Variants in PLCB1 observed in about 807,000 individuals in gnomAD.
PLCB1 encodes phospholipase C beta 1.
PLCB1 carries 46 observed loss-of-function variants against 161.8 expected under a neutral mutation model. That is an observed-to-expected ratio of 0.28 (90% CI 0.22 to 0.36). The LOEUF is 0.36. Ranked by LOEUF, PLCB1 falls within the 10% of genes least tolerant of loss-of-function variation. The pLI is 1.00. For synonymous variants in PLCB1, 517 were observed against 503.7 expected (o/e 1.03, Z -0.35); for missense variants, 1,016 against 1,472.5 (o/e 0.69, Z 5.07).
intron 2 of PLCB1, among the ~76,000 whole-genome samples, chr20:8,215,379 G>T (rs1489135751): frequency 2.0e-5 from 3 of 152,036 alleles, no homozygotes; most frequent in Non-Finnish European, 2.9e-5. Flanking sequence ...GATGCTTGGG[G>T]AGCATCTTTG....
At chr20:8,221,422 T>C (rs962488783) in intron 2 of PLCB1, among the ~76,000 whole-genome samples, 3 of 152,184 alleles carry the variant, frequency 2.0e-5, no homozygotes, top group Non-Finnish European at 4.4e-5. Context: ...GGGCACTGTT[T>C]AATAAAACCA....
intron 31 of PLCB1, among the ~76,000 whole-genome samples, chr20:8,881,173 G>C (rs988039095): frequency 6.6e-6 from 1 of 151,784 alleles, no homozygotes; most frequent in African/African-American, 2.4e-5. Flanking sequence ...GCTCATTTTT[G>C]TATTTTAGTA....
intron 3 of PLCB1, among the ~76,000 whole-genome samples, chr20:8,593,139 T>C (rs1987202214): frequency 6.6e-6 from 1 of 152,048 alleles, no homozygotes; most frequent in African/African-American, 2.4e-5. Flanking sequence ...GCCCCAACTC[T>C]CTCACTCACA....
intron 3 of PLCB1, among the ~76,000 whole-genome samples, chr20:8,449,936 A>G (rs1980998605): frequency 6.6e-6 from 1 of 152,242 alleles, no homozygotes; most frequent in Admixed American, 6.5e-5. Context: ...GTTGATGGTC[A>G]TAAAACCTAG....
At chr20:8,764,703 A>G (rs939303111) in intron 25 of PLCB1, among the ~76,000 whole-genome samples, 1 of 152,106 alleles carries the variant, frequency 6.6e-6, no homozygotes, top group African/African-American at 2.4e-5. Flanking sequence ...AGATGAGACC[A>G]GCTCAGTGGT....
chr20:8,175,302 C>T (rs1273655703), intron 2 of PLCB1, among the ~76,000 whole-genome samples: 1 of 151,750 alleles, frequency 6.6e-6, no homozygotes, highest in African/African-American at 2.4e-5. Flanking sequence ...TGAATAAATA[C>T]CTTAAAGGTA....
At chr20:8,797,909 A>G (rs1181029451) in intron 31 of PLCB1, among the ~76,000 whole-genome samples, 1 of 152,172 alleles carries the variant, frequency 6.6e-6, no homozygotes, top group Non-Finnish European at 1.5e-5. Context: ...AGATAGTTTT[A>G]ATGGCCAGGC....
intron 3 of PLCB1, among the ~76,000 whole-genome samples, chr20:8,467,042 C>T (rs896259912): frequency 9.9e-5 from 15 of 152,258 alleles, no homozygotes; most frequent in Admixed American, 8.5e-4. Flanking sequence ...TTGATTCAAG[C>T]GATTCTCATG....
chr20:8,528,832 C>T (rs1009485362), intron 3 of PLCB1, among the ~76,000 whole-genome samples: 4 of 151,276 alleles, frequency 2.6e-5, no homozygotes, highest in Admixed American at 6.6e-5. Context: ...AAACAAGGGG[C>T]GAAAAGTGCT....
chr20:8,718,090 C>T lies in PLCB1; in HGVS notation c.1513+242C>T, dbSNP rs144615771. On this transcript the variant is annotated intron_variant, in intron 14 of 31. Transcript: ENST00000338037. ...CAAAAATTATCTGGGCATAGTGGCA[C>T]GTACCTGTAGTCCCAGCTACTCGGG... 8.7e-3 allele frequency among the ~76,000 whole-genome samples: 1,330 copies of T among 152,084 alleles called. 23 individuals carry two copies. The highest frequency in any genetic ancestry group is 0.03 in the African/African-American group (1,254 of 41,486).
chr20:8,412,040 AAAG>A (rs1215768059), intron 3 of PLCB1, among the ~76,000 whole-genome samples: 1 of 152,170 alleles, frequency 6.6e-6, no homozygotes, highest in Non-Finnish European at 1.5e-5. Context: ...AAAGAAAAAA[AAAG>A]AAGACAATTT....
At chr20:8,356,591 G>A (rs1234184997) in intron 2 of PLCB1, among the ~76,000 whole-genome samples, 1 of 152,122 alleles carries the variant, frequency 6.6e-6, no homozygotes, top group Non-Finnish European at 1.5e-5. Flanking sequence ...AATGCCGAAA[G>A]ACATACAGTG....
At chr20:8,714,100 ACTTAC>A (rs1979168854) in intron 12 of PLCB1, among the ~76,000 whole-genome samples, 2 of 152,170 alleles carry the variant, frequency 1.3e-5, no homozygotes, top group Non-Finnish European at 2.9e-5. Flanking sequence ...GCACATGCTG[ACTTAC>A]CTTAATCAAT....
chr20:8,377,644 T>A (rs1328826878), intron 3 of PLCB1, among the ~76,000 whole-genome samples: 1 of 151,968 alleles, frequency 6.6e-6, no homozygotes, highest in Non-Finnish European at 1.5e-5. Context: ...AGACACAGGG[T>A]TTGATAATGT....
intron 3 of PLCB1, among the ~76,000 whole-genome samples, chr20:8,627,029 G>C (rs931816407): frequency 3.3e-5 from 5 of 152,208 alleles, no homozygotes; most frequent in African/African-American, 1.2e-4. Flanking sequence ...TGATGTTTTA[G>C]TGATAGCATT....
At chr20:8,504,112 C>A (rs1280499662) in intron 3 of PLCB1, among the ~76,000 whole-genome samples, 2 of 152,162 alleles carry the variant, frequency 1.3e-5, no homozygotes, top group African/African-American at 4.8e-5. Flanking sequence ...CTGAGCTTGA[C>A]AGAAAAACAA....
chr20:8,134,023 G>A (rs1483512760), intron 1 of PLCB1, among the ~76,000 whole-genome samples: 1 of 152,242 alleles, frequency 6.6e-6, no homozygotes, highest in Admixed American at 6.5e-5. Flanking sequence ...GGAACTTGGA[G>A]TATGAACCAC....
At position 8,404,783 on chromosome 20, in the gene PLCB1, A is replaced by G. The variant is rs539785082; in HGVS notation, c.246+33333A>G. Among the ~76,000 whole-genome samples the G allele has an allele frequency of 2.0e-4, 31 of 152,308 alleles. 1 individual carries two copies. In the South Asian group the frequency reaches 4.3e-3, roughly 21 times the overall value. ...CTTTGCAAGATATAATCAGTATTGA[A>G]TCCATAAAACAGAATATTTTGGAAG... On this transcript the variant is annotated intron_variant, in intron 3 of 31. Coordinates refer to ENST00000338037, the MANE Select transcript of PLCB1 (RefSeq NM_015192.4).
At chr20:8,761,676 A>C (rs1207591258) in intron 25 of PLCB1, among the ~76,000 whole-genome samples, 1 of 151,876 alleles carries the variant, frequency 6.6e-6, no homozygotes, top group Non-Finnish European at 1.5e-5. Flanking sequence ...GTGCCACCAC[A>C]CCCGGCTAAT....
Sources: allele counts gnomAD v4.1 joint callset (sites outside exome capture counted in the v4.1 genomes callset), GRCh38; gene constraint gnomAD v4.1.1; transcripts MANE v1.5; gene names NCBI Gene and HGNC (gene_info 2026-07-23, HGNC 2026-07-21).